The following DSCAM variants were observed in gnomAD, a reference collection of about 807,000 sequenced individuals.
DSCAM encodes cell adhesion molecule DSCAM.
DSCAM carries 47 observed loss-of-function variants against 217.7 expected under a neutral mutation model. That is an observed-to-expected ratio of 0.22 (90% CI 0.17 to 0.28). The LOEUF (loss-of-function observed/expected upper bound fraction) is 0.28. Among genes scored for constraint, DSCAM ranks in the 10% least tolerant of loss-of-function variants. The probability of loss-of-function intolerance (pLI) is 1.00; values close to 1 mark genes in which losing one functional copy is unlikely to be tolerated. For missense variants in DSCAM, 2,080 were observed against 2,618.3 expected, an observed-to-expected ratio of 0.79 and a Z score of 4.49; for synonymous variants, 1,056 against 1,015.3, an observed-to-expected ratio of 1.04 and a Z score of -0.76.
chr21:40,620,366 A>G (rs1353070164), intron 3 of DSCAM, among the ~76,000 whole-genome samples: 2 of 124,726 alleles, frequency 1.6e-5, no homozygotes, highest in African/African-American at 3.1e-5. Flanking sequence ...AGAAAAAAGA[A>G]AAAGAAAGAA....
At chr21:40,826,393 C>T (rs1257024159) in intron 1 of DSCAM, among the ~76,000 whole-genome samples, 1 of 152,056 alleles carries the variant, frequency 6.6e-6, no homozygotes, top group East Asian at 1.9e-4. Flanking sequence ...CCAAGCCAGG[C>T]CATGGAAGGG....
At chr21:40,746,254 T>C (rs913201402) in intron 1 of DSCAM, among the ~76,000 whole-genome samples, 16 of 151,562 alleles carry the variant, frequency 1.1e-4, no homozygotes, top group African/African-American at 3.6e-4. Flanking sequence ...TTAAGAGACA[T>C]AGAGTGACTG....
chr21:40,323,625 C>T (rs987974096), intron 8 of DSCAM, among the ~76,000 whole-genome samples: 4 of 152,184 alleles, frequency 2.6e-5, no homozygotes, highest in Non-Finnish European at 4.4e-5. Flanking sequence ...TTTGCTCATT[C>T]AGCTGGCCCA....
At chr21:40,031,495 G>C (rs565629155) in intron 32 of DSCAM, among the ~76,000 whole-genome samples, 5 of 152,150 alleles carry the variant, frequency 3.3e-5, no homozygotes, top group South Asian at 2.1e-4. Flanking sequence ...ACTCCTCACA[G>C]TCTCATTCAT....
At chr21:40,451,148 G>A (rs978129338) in intron 3 of DSCAM, among the ~76,000 whole-genome samples, 1 of 152,164 alleles carries the variant, frequency 6.6e-6, no homozygotes, top group African/African-American at 2.4e-5. Flanking sequence ...CAGAGGCTCT[G>A]CCCCACTGGA....
At chr21:40,634,650 C>A (rs568144797) in intron 3 of DSCAM, among the ~76,000 whole-genome samples, 13 of 152,244 alleles carry the variant, frequency 8.5e-5, no homozygotes, top group African/African-American at 2.9e-4. Context: ...ATGTACAAAT[C>A]TAAAAAGAAA....
chr21:40,325,195 G>T (rs1181229419), intron 8 of DSCAM, among the ~76,000 whole-genome samples: 3 of 152,080 alleles, frequency 2.0e-5, no homozygotes, highest in South Asian at 2.1e-4. Flanking sequence ...TGAGACAAGG[G>T]TATAAAAAGG....
chr21:40,326,765 ACAGTC>A (rs1202903487), intron 8 of DSCAM, among the ~76,000 whole-genome samples: 1 of 152,110 alleles, frequency 6.6e-6, no homozygotes, highest in African/African-American at 2.4e-5. Context: ...AATGTGGGGT[ACAGTC>A]CAGGGGCATG....
chr21:40,565,633 C>T (rs2076758514), intron 3 of DSCAM, among the ~76,000 whole-genome samples: 1 of 152,186 alleles, frequency 6.6e-6, no homozygotes, highest in Admixed American at 6.5e-5. Context: ...ACACTCAGTG[C>T]CTCGGGGGCT....
intron 3 of DSCAM, among the ~76,000 whole-genome samples, chr21:40,412,726 T>C (rs1333344716): frequency 6.6e-6 from 1 of 152,182 alleles, no homozygotes; most frequent in African/African-American, 2.4e-5. Context: ...GAAAAGAAAA[T>C]ATATTCTGAG....
At chr21:40,707,922 T>C (rs2090735242) in intron 2 of DSCAM, among the ~76,000 whole-genome samples, 1 of 152,206 alleles carries the variant, frequency 6.6e-6, no homozygotes, top group South Asian at 2.1e-4. Flanking sequence ...ATTTATGTAC[T>C]GACAACATTT....
chr21:40,680,229 C>T (rs756809503), intron 3 of DSCAM, among the ~76,000 whole-genome samples: 34 of 152,114 alleles, frequency 2.2e-4, no homozygotes, highest in Non-Finnish European at 4.0e-4. Context: ...GGGTATGGAC[C>T]TAGACACTGG....
At chr21:40,289,523 G>C (rs185761348) in intron 10 of DSCAM, among the ~76,000 whole-genome samples, 44 of 152,130 alleles carry the variant, frequency 2.9e-4, no homozygotes, top group African/African-American at 1.0e-3. Flanking sequence ...AGCTACCTGA[G>C]GTCAATTACA....
In DSCAM at chr21:40,708,746, G is replaced by C. The variant is rs2146483110; in HGVS notation, c.69C>G (p.Ser23Arg). The change falls in exon 2 of 33, where the codon AGC (serine) becomes AGG (arginine). Residue 23 changes from serine to arginine, a missense_variant. Ser to Arg is a moderately radical substitution (Grantham distance 110). Around this residue, in one of 5 missense-constraint regions of DSCAM, gnomAD observed 568 missense variants for 678.1 expected, o/e 0.84. Coordinates refer to ENST00000400454, the MANE Select transcript of DSCAM (RefSeq NM_001389.5). ...GCAGAGATGCATTGACAAAGTAGAG[G>C]CTGGAGTGTAGGTCTTCACTGAAAA... ...ANVFSEDLHS[S>R]LYFVNASLQE... is the part of the protein sequence containing the mutation. 1.3e-6 allele frequency: 2 copies of C among 1,594,070 alleles called. No individual in the cohort carries two copies. Among genetic ancestry groups the C allele is most frequent in the South Asian group, 2.3e-5 (2 of 87,116 alleles).
chr21:40,408,302 G>A (rs2075295638), intron 3 of DSCAM, among the ~76,000 whole-genome samples: 1 of 152,036 alleles, frequency 6.6e-6, no homozygotes, highest in Non-Finnish European at 1.5e-5. Flanking sequence ...AGGGTGGGGG[G>A]ACAGGACACT....
chr21:40,360,816 T>C (rs1404754401), intron 4 of DSCAM, among the ~76,000 whole-genome samples: 1 of 152,178 alleles, frequency 6.6e-6, no homozygotes, highest in Non-Finnish European at 1.5e-5. Flanking sequence ...TTATTTTCTT[T>C]TGGATATATT....
At chr21:40,038,167 G>C (rs1323224709) in intron 32 of DSCAM, among the ~76,000 whole-genome samples, 2 of 149,762 alleles carry the variant, frequency 1.3e-5, no homozygotes, top group Non-Finnish European at 3.0e-5. Context: ...ATTGACAAAT[G>C]GGATCTAATT....
intron 18 of DSCAM, among the ~76,000 whole-genome samples, chr21:40,141,919 GT>G (rs1321134774): frequency 6.7e-6 from 1 of 148,336 alleles, no homozygotes; most frequent in African/African-American, 2.6e-5. Flanking sequence ...TGAGAAAGTC[GT>G]TTATTCAAAG....
At chr21:40,484,118 A>G (rs2076005472) in intron 3 of DSCAM, among the ~76,000 whole-genome samples, 1 of 152,210 alleles carries the variant, frequency 6.6e-6, no homozygotes, top group South Asian at 2.1e-4. Context: ...TCTAATCTTC[A>G]GCAGGTTCCC....
Sources: gnomAD v4.1 joint callset for allele counts (sites outside exome capture counted in the v4.1 genomes callset) on GRCh38, gnomAD v4.1.1 for gene constraint, gnomAD v4.1.1 regional missense constraint, MANE v1.5 for transcripts, NCBI Gene and HGNC (gene_info 2026-07-23, HGNC 2026-07-21) for gene names.